Variants in SLC8A1 observed in about 807,000 individuals in gnomAD.
The protein encoded by SLC8A1 is sodium/calcium exchanger 1.
Under a neutral mutation model 68.3 loss-of-function variants are expected in SLC8A1, and 18 were observed. The ratio of observed to expected loss-of-function variants is 0.26; its 90% CI spans 0.18 to 0.39. The LOEUF (loss-of-function observed/expected upper bound fraction) is 0.39. Among genes scored for constraint, SLC8A1 ranks in the 10% least tolerant of loss-of-function variants. The probability of loss-of-function intolerance (pLI) is 1.00; values close to 1 mark genes in which losing one functional copy is unlikely to be tolerated. For missense variants in SLC8A1, 985 were observed against 1,156.7 expected (o/e 0.85, Z 2.15); for synonymous variants, 475 against 415.5 (o/e 1.14, Z -1.74).
intron 2 of SLC8A1, among the ~76,000 whole-genome samples, chr2:40,277,819 T>C (rs1441131502): frequency 7.3e-6 from 1 of 137,048 alleles, no homozygotes; most frequent in African/African-American, 2.6e-5. Flanking sequence ...TATATATATA[T>C]ATATATATAT....
At chr2:40,348,576 C>A (rs935111267) in intron 2 of SLC8A1, among the ~76,000 whole-genome samples, 2 of 152,128 alleles carry the variant, frequency 1.3e-5, no homozygotes, top group African/African-American at 4.8e-5. Flanking sequence ...ATGTTCCATC[C>A]CTAGTGGTCA....
exon 2 of SLC8A1, chr2:40,429,992 C>T (rs1697878423): frequency 6.2e-7 from 1 of 1,613,786 alleles, no homozygotes; most frequent in African/African-American, 1.3e-5. Context: ...ATGAACCGAT[C>T]AGCTATGATA....
intron 1 of SLC8A1, among the ~76,000 whole-genome samples, chr2:40,509,822 T>C (rs1180825560): frequency 6.6e-6 from 1 of 151,712 alleles, no homozygotes; most frequent in Admixed American, 6.6e-5. Context: ...TTTTTTTTGT[T>C]TTTTTTCCGG....
chr2:40,186,371 C>T (rs907852640), intron 2 of SLC8A1, among the ~76,000 whole-genome samples: 1 of 151,828 alleles, frequency 6.6e-6, no homozygotes, highest in Non-Finnish European at 1.5e-5. Flanking sequence ...GCCTTTTTTT[C>T]CTTTCAAAAG....
chr2:40,407,829 G>T (rs1420938062), intron 2 of SLC8A1, among the ~76,000 whole-genome samples: 1 of 152,224 alleles, frequency 6.6e-6, no homozygotes, highest in South Asian at 2.1e-4. Context: ...GTCAAGAGGA[G>T]TTGCATTTGC....
chr2:40,368,775 C>A (rs1677067344), intron 2 of SLC8A1, among the ~76,000 whole-genome samples: 1 of 151,848 alleles, frequency 6.6e-6, no homozygotes, highest in Non-Finnish European at 1.5e-5. Flanking sequence ...CTCTATGTGC[C>A]TGACTTCAAA....
At chr2:40,364,228 C>T (rs1675375136) in intron 2 of SLC8A1, among the ~76,000 whole-genome samples, 1 of 151,892 alleles carries the variant, frequency 6.6e-6, no homozygotes, top group Non-Finnish European at 1.5e-5. Flanking sequence ...TTTCTCAATG[C>T]TCAGTATATG....
At chr2:40,506,727 G>A (rs1450456504) in intron 1 of SLC8A1, among the ~76,000 whole-genome samples, 4 of 151,798 alleles carry the variant, frequency 2.6e-5, no homozygotes, top group Admixed American at 2.6e-4. Context: ...GCCTGTAGTA[G>A]GGCAGTAGAT....
chr2:40,467,901 C>T (rs1212557654), intron 1 of SLC8A1, among the ~76,000 whole-genome samples: 5 of 152,106 alleles, frequency 3.3e-5, no homozygotes, highest in Non-Finnish European at 5.9e-5. Context: ...GATCATAAGA[C>T]TGCATATAAA....
chr2:40,381,985 T>A (rs1244365202), intron 2 of SLC8A1, among the ~76,000 whole-genome samples: 1 of 152,004 alleles, frequency 6.6e-6, no homozygotes, highest in Non-Finnish European at 1.5e-5. Flanking sequence ...TGATCTCCTA[T>A]CTCCTCGGCT....
At position 40,404,007 on chromosome 2, in the gene SLC8A1, G is replaced by A. The variant is rs369801488; in HGVS notation, c.1808+24466C>T. 1.6e-3 allele frequency among the ~76,000 whole-genome samples: 244 copies of A among 152,212 alleles called. 1 individual carries two copies. Among genetic ancestry groups the A allele is most frequent in the Non-Finnish European group, 3.0e-3 (205 of 68,004 alleles). On this transcript the variant is annotated intron_variant, in intron 2 of 7. Transcript: ENST00000406785. ...TTATCATGGATTTGCAGATACACTGGTATCTAATAGAGAATATTAACCTTA... is the reference window on the plus strand; with the variant it reads ...TTATCATGGATTTGCAGATACACTGATATCTAATAGAGAATATTAACCTTA...
At chr2:40,116,017 C>A (rs555908301) in intron 7 of SLC8A1, among the ~76,000 whole-genome samples, 124 of 152,286 alleles carry the variant, frequency 8.1e-4, no homozygotes, top group African/African-American at 2.8e-3. Context: ...CTGTGCTGGT[C>A]ATAATGACAG....
In SLC8A1 at chr2:40,185,461, C is replaced by A. The variant is rs181606732; in HGVS notation, c.1809-7606G>T. On this transcript the variant is annotated intron_variant, in intron 2 of 7. Transcript: ENST00000406785. ...CTACAACATGGATGAACCCTGAGAACATCATTCTAAGTGAAAGAACCCAGA... is the reference window on the plus strand; with the variant it reads ...CTACAACATGGATGAACCCTGAGAAAATCATTCTAAGTGAAAGAACCCAGA... Among the ~76,000 whole-genome samples the A allele has an allele frequency of 7.2e-4, 109 of 152,274 alleles. 1 individual carries two copies. The highest frequency in any genetic ancestry group is 2.5e-3 in the African/African-American group (103 of 41,550).
chr2:40,180,443 CTT>C (rs2049289909), intron 2 of SLC8A1, among the ~76,000 whole-genome samples: 1 of 152,178 alleles, frequency 6.6e-6, no homozygotes, highest in Admixed American at 6.6e-5. Flanking sequence ...GTCAACAAAA[CTT>C]ACGCATTTTG....
At chr2:40,193,087 G>C (rs930362154) in intron 2 of SLC8A1, among the ~76,000 whole-genome samples, 17 of 152,110 alleles carry the variant, frequency 1.1e-4, no homozygotes, top group African/African-American at 4.1e-4. Context: ...TTGAGTTTGT[G>C]CCAATCAATC....
At chr2:40,143,218 C>T (rs1024315490) in intron 6 of SLC8A1, among the ~76,000 whole-genome samples, 3 of 152,164 alleles carry the variant, frequency 2.0e-5, no homozygotes, top group African/African-American at 7.2e-5. Flanking sequence ...ATTACCCTGT[C>T]TTGGGAAAGG....
intron 6 of SLC8A1, among the ~76,000 whole-genome samples, chr2:40,159,935 G>A (rs2148445311): frequency 6.6e-6 from 1 of 152,228 alleles, no homozygotes; most frequent in East Asian, 1.9e-4. Context: ...TACAGCTTGG[G>A]AATCACTACG....
chr2:40,116,028 C>T (rs916685421), intron 7 of SLC8A1, among the ~76,000 whole-genome samples: 2 of 152,142 alleles, frequency 1.3e-5, no homozygotes, highest in South Asian at 2.1e-4. Context: ...ATAATGACAG[C>T]GGCCCAGGAA....
chr2:40,401,754 T>C (rs892635138), intron 2 of SLC8A1, among the ~76,000 whole-genome samples: 1 of 152,232 alleles, frequency 6.6e-6, no homozygotes, highest in African/African-American at 2.4e-5. Context: ...TGGGGAACTA[T>C]CTATACTTAC....
Sources: gnomAD v4.1 joint callset for allele counts (sites outside exome capture counted in the v4.1 genomes callset) on GRCh38, gnomAD v4.1.1 for gene constraint, MANE v1.5 for transcripts, NCBI Gene and HGNC (gene_info 2026-07-23, HGNC 2026-07-21) for gene names.